The following PCDH15 variants were observed in gnomAD, a reference collection of about 807,000 sequenced individuals.
PCDH15 encodes the protein protocadherin-15.
Under a neutral mutation model 178.5 loss-of-function variants are expected in PCDH15, and 129 were observed. That is an observed-to-expected ratio of 0.72 (90% CI 0.63 to 0.84). The LOEUF (loss-of-function observed/expected upper bound fraction) is 0.84. Ranked by LOEUF, PCDH15 falls within the 40% of genes least tolerant of loss-of-function variation. The probability of loss-of-function intolerance (pLI) is 0.00; values close to 1 mark genes in which losing one functional copy is unlikely to be tolerated. For missense variants in PCDH15, 2,230 were observed against 2,099.9 expected (o/e 1.06, Z -1.21); for synonymous variants, 800 against 732.0 (o/e 1.09, Z -1.50).
At chr10:54,674,787 G>A (rs1230467301) in intron 1 of PCDH15, among the ~76,000 whole-genome samples, 3 of 152,060 alleles carry the variant, frequency 2.0e-5, no homozygotes, top group Non-Finnish European at 4.4e-5. Context: ...AATAGTTCAT[G>A]TATAAGCAGA....
At chr10:55,347,169 C>A (rs554121096) in intron 2 of PCDH15, among the ~76,000 whole-genome samples, 1 of 151,782 alleles carries the variant, frequency 6.6e-6, no homozygotes, top group Non-Finnish European at 1.5e-5. Context: ...GAGATGAGAT[C>A]GTGCAACTGC....
At chr10:53,941,653 A>T (rs1227484753) in intron 23 of PCDH15, among the ~76,000 whole-genome samples, 1 of 152,142 alleles carries the variant, frequency 6.6e-6, no homozygotes, top group South Asian at 2.1e-4. Context: ...TGACTCTAAG[A>T]TTTCAACTCT....
intron 2 of PCDH15, among the ~76,000 whole-genome samples, chr10:55,146,902 T>G (rs1838528766): frequency 2.0e-5 from 3 of 151,602 alleles, no homozygotes; most frequent in Admixed American, 2.0e-4. Flanking sequence ...AAAAGGAATT[T>G]GAAGTCACTC....
chr10:54,259,235 A>G (rs548829484), intron 8 of PCDH15, among the ~76,000 whole-genome samples: 1 of 152,330 alleles, frequency 6.6e-6, no homozygotes, highest in African/African-American at 2.4e-5. Flanking sequence ...AAATTGCTTT[A>G]GACACTGGTC....
rs555842507 is a variant in PCDH15 at position 55,056,727 on chromosome 10, G to T, written c.-80+109849C>A. Among the ~76,000 whole-genome samples the T allele has an allele frequency of 2.6e-5, 4 of 151,608 alleles. No homozygotes were observed. The East Asian group carries it at 7.8e-4, about 29-fold the overall frequency. The stretch of plus-strand genomic sequence containing the variant: ...GGCTCACTGCAACCTCCACCTCCCA[G>T]ATTCAAGCAATTCTCCTGCCTCAGC... On this transcript the variant is annotated intron_variant, in intron 2 of 5. Coordinates refer to the PCDH15 transcript ENST00000458638.
chr10:54,457,515 C>T (rs1358142363), intron 3 of PCDH15, among the ~76,000 whole-genome samples: 4 of 152,138 alleles, frequency 2.6e-5, no homozygotes, highest in Non-Finnish European at 5.9e-5. Flanking sequence ...TTACCAGATA[C>T]TCCTCAGTGT....
chr10:54,820,294 T>A (rs1953017352), intron 3 of PCDH15, among the ~76,000 whole-genome samples: 1 of 152,066 alleles, frequency 6.6e-6, no homozygotes, highest in African/African-American at 2.4e-5. Flanking sequence ...ATGAAATGAA[T>A]CACTCATCAG....
At chr10:55,001,096 A>G (rs1839785119) in intron 2 of PCDH15, among the ~76,000 whole-genome samples, 1 of 151,882 alleles carries the variant, frequency 6.6e-6, no homozygotes, top group South Asian at 2.1e-4. Context: ...CTAGACATTC[A>G]CAGGGACAAC....
At chr10:54,692,597 A>C (rs1316495746) in intron 1 of PCDH15, among the ~76,000 whole-genome samples, 1 of 151,076 alleles carries the variant, frequency 6.6e-6, no homozygotes, top group African/African-American at 2.4e-5. Flanking sequence ...AATCGGTTAG[A>C]GCTGTGATTC....
At chr10:54,439,290 T>G (rs1047883060) in intron 3 of PCDH15, among the ~76,000 whole-genome samples, 4 of 151,978 alleles carry the variant, frequency 2.6e-5, no homozygotes, top group Admixed American at 2.6e-4. Flanking sequence ...TATGCATAAA[T>G]CTGGGGACAA....
intron 15 of PCDH15, 45 bp from the exon 16 acceptor site, chr10:54,090,108 C>T (rs374400228): frequency 1.1e-4 from 156 of 1,370,180 alleles, no homozygotes; most frequent in Middle Eastern, 1.8e-4. Context: ...ATTGATATGG[C>T]GCCCACTCAT....
chr10:55,073,058 C>G (rs1260675570), intron 2 of PCDH15, among the ~76,000 whole-genome samples: 1 of 151,780 alleles, frequency 6.6e-6, no homozygotes, highest in Non-Finnish European at 1.5e-5. Flanking sequence ...ACTTTTCATG[C>G]TAAAAACTCT....
At chr10:54,596,907 T>C (rs750760411) in intron 2 of PCDH15, among the ~76,000 whole-genome samples, 69 of 152,150 alleles carry the variant, frequency 4.5e-4, no homozygotes, top group Admixed American at 2.0e-4. Context: ...CTAGCCTATA[T>C]ATACATGCAC....
chr10:55,384,413 G>C (rs1837605797), intron 2 of PCDH15, among the ~76,000 whole-genome samples: 1 of 152,018 alleles, frequency 6.6e-6, no homozygotes, highest in African/African-American at 2.4e-5. Flanking sequence ...TATTAAAACT[G>C]TTATCTCAAA....
In PCDH15 at chr10:55,267,401, T is replaced by A. The variant is rs74139509; in HGVS notation, c.-156+52198A>T. Among the ~76,000 whole-genome samples the A allele has an allele frequency of 3.8e-3, 579 of 152,322 alleles. 3 individuals are homozygous for A. The highest frequency in any genetic ancestry group is 0.014 in the African/African-American group (562 of 41,558). On this transcript the variant is annotated intron_variant, in intron 1 of 5. Coordinates refer to the PCDH15 transcript ENST00000458638. ...CATGTAATTATTGTGTTAACTAAAT[T>A]AAACTTTCAATTAATTTTTGACATT...
chr10:55,510,459 G>A (rs765454187), intron 2 of PCDH15, among the ~76,000 whole-genome samples: 1 of 151,810 alleles, frequency 6.6e-6, no homozygotes, highest in Non-Finnish European at 1.5e-5. Context: ...ACTAGCTAAC[G>A]TGTTTTTCTC....
chr10:54,274,836 A>G (rs1022456861), intron 8 of PCDH15, among the ~76,000 whole-genome samples: 2 of 152,012 alleles, frequency 1.3e-5, no homozygotes, highest in African/African-American at 4.8e-5. Flanking sequence ...TTCTTAGCAA[A>G]TAAAGAATAA....
At chr10:54,109,657 G>T (rs949391725) in intron 15 of PCDH15, among the ~76,000 whole-genome samples, 2 of 152,160 alleles carry the variant, frequency 1.3e-5, no homozygotes, top group Admixed American at 6.5e-5. Context: ...AATTCATGAA[G>T]ATAGAGAGTA....
chr10:53,898,397 T>C (rs903531051), intron 26 of PCDH15, among the ~76,000 whole-genome samples: 1 of 152,354 alleles, frequency 6.6e-6, no homozygotes, highest in African/African-American at 2.4e-5. Flanking sequence ...TTAACTGATA[T>C]TAACTAATTG....
Sources: allele counts gnomAD v4.1 joint callset (sites outside exome capture counted in the v4.1 genomes callset), GRCh38; gene constraint gnomAD v4.1.1; transcripts MANE v1.5; gene names NCBI Gene and HGNC (gene_info 2026-07-23, HGNC 2026-07-21).